The following EYS variants were observed in gnomAD, a reference collection of about 807,000 sequenced individuals.
The protein encoded by EYS is EGF-like photoreceptor maintenance factor.
Under a neutral mutation model 282.1 loss-of-function variants are expected in EYS, and 250 were observed. The ratio of observed to expected loss-of-function variants is 0.89; its 90% CI spans 0.80 to 0.98. The LOEUF (loss-of-function observed/expected upper bound fraction) is 0.98. Among genes scored for constraint, EYS ranks in the 50% least tolerant of loss-of-function variants. The pLI, the probability that EYS is intolerant of heterozygous loss-of-function variation, is 0.00. For missense variants in EYS, 4,016 were observed against 3,709.0 expected (o/e 1.08, Z -2.15); for synonymous variants, 1,355 against 1,282.9 (o/e 1.06, Z -1.20).
intron 33 of EYS, among the ~76,000 whole-genome samples, chr6:64,000,441 C>G (rs1233776884): frequency 6.6e-6 from 1 of 151,380 alleles, no homozygotes; most frequent in South Asian, 2.1e-4. Context: ...TCCATCCCCC[C>G]TCCCAACCTC....
At chr6:65,318,151 G>T (rs1390104751) in intron 11 of EYS, among the ~76,000 whole-genome samples, 1 of 145,946 alleles carries the variant, frequency 6.9e-6, no homozygotes, top group Non-Finnish European at 1.5e-5. Flanking sequence ...ACATGCGTGA[G>T]CCACCGCGCC....
At chr6:64,962,764 A>T (rs573450127) in intron 14 of EYS, among the ~76,000 whole-genome samples, 1 of 152,122 alleles carries the variant, frequency 6.6e-6, no homozygotes, top group East Asian at 1.9e-4. Context: ...AACAACCCTC[A>T]AAAAAAGAGA....
intron 5 of EYS, among the ~76,000 whole-genome samples, chr6:65,445,390 C>T (rs559586287): frequency 1.2e-4 from 18 of 151,846 alleles, no homozygotes; most frequent in African/African-American, 3.6e-4. Flanking sequence ...CTATAAAGTT[C>T]TCCTAAGAGA....
At chr6:64,686,759 ATATG>A (rs1448123008) in intron 22 of EYS, among the ~76,000 whole-genome samples, 914 of 15,420 alleles carry the variant, frequency 0.059, 18 homozygotes, top group Middle Eastern at 0.21. Context: ...ATATATATAT[ATATG>A]TGTGTATATA....
chr6:63,898,105 G>T lies in EYS; in HGVS notation c.7056-33747C>A, dbSNP rs549227133. Among the ~76,000 whole-genome samples the T allele has an allele frequency of 2.0e-5, 3 of 152,238 alleles. No individual in the cohort carries two copies. In the East Asian group the frequency reaches 5.8e-4, roughly 29 times the overall value. On this transcript the variant is annotated intron_variant, in intron 35 of 42. Transcript: ENST00000503581. ...CATCATTTTCGAGTCATGTTACCAC[G>T]CTGGGCCAAACATCTTGTCCCTAAT...
intron 8 of EYS, among the ~76,000 whole-genome samples, chr6:65,371,733 C>CTGTGTGTG (rs1562129810): frequency 2.0e-5 from 1 of 50,680 alleles, no homozygotes; most frequent in African/African-American, 5.2e-5. Flanking sequence ...CTCTCTCTCT[C>CTGTGTGTG]TCTCTCTCTG....
chr6:65,646,681 A>G (rs926462150), intron 1 of EYS, among the ~76,000 whole-genome samples: 3 of 152,156 alleles, frequency 2.0e-5, no homozygotes, highest in Admixed American at 2.0e-4. Flanking sequence ...TAGAGCAATC[A>G]GACCAGAAAG....
At chr6:64,091,629 G>A in intron 31 of EYS, among the ~76,000 whole-genome samples, 1 of 152,132 alleles carries the variant, frequency 6.6e-6, no homozygotes, top group East Asian at 1.9e-4. Flanking sequence ...CATCATGGCT[G>A]GGTGGATCAG....
At position 65,490,617 on chromosome 6, in the gene EYS, C is replaced by T; in HGVS notation, c.839G>A (p.Cys280Tyr). The change falls in exon 5 of 43, where the codon TGT becomes TAT. Residue 280 changes from cysteine (C) to tyrosine (Y), a missense_variant. Coordinates refer to ENST00000503581, the MANE Select transcript of EYS (RefSeq NM_001142800.2). ...ACCTGAAAATTGCTCATCACATTCA[C>T]AAATGAAACTATTTGAAGTAATATT... ...CSNITSNSFI[C>Y]ECDEQFSGPF... 2 of 1,610,358 alleles carry T rather than the reference C, an allele frequency of 1.2e-6. No homozygotes were observed. The highest frequency in any genetic ancestry group is 1.7e-6 in the Non-Finnish European group (2 of 1,177,074).
intron 31 of EYS, among the ~76,000 whole-genome samples, chr6:64,176,240 T>C (rs1458642059): frequency 6.6e-6 from 1 of 152,010 alleles, no homozygotes; most frequent in Admixed American, 6.6e-5. Context: ...TTTTTTACTC[T>C]GAATCAAAGG....
intron 8 of EYS, among the ~76,000 whole-genome samples, chr6:65,370,455 A>T (rs1339590750): frequency 1.3e-5 from 2 of 150,786 alleles, no homozygotes; most frequent in African/African-American, 4.9e-5. Flanking sequence ...GCATCTCATG[A>T]TGTATTCCAG....
chr6:64,790,455 A>G (rs759470405), intron 22 of EYS, among the ~76,000 whole-genome samples: 1 of 151,964 alleles, frequency 6.6e-6, no homozygotes, highest in East Asian at 1.9e-4. Flanking sequence ...AAAAATGTAC[A>G]TCTAACAATT....
intron 31 of EYS, among the ~76,000 whole-genome samples, chr6:64,134,541 A>G (rs989636365): frequency 1.3e-5 from 2 of 152,106 alleles, no homozygotes; most frequent in African/African-American, 2.4e-5. Context: ...TTGACGATGG[A>G]TTAGAGGGCA....
intron 36 of EYS, among the ~76,000 whole-genome samples, chr6:63,813,722 C>T (rs1771106207): frequency 6.6e-6 from 1 of 152,044 alleles, no homozygotes; most frequent in Non-Finnish European, 1.5e-5. Context: ...AGAGTGGACA[C>T]CAGGGAGCGC....
chr6:65,201,849 A>G (rs74658731), intron 12 of EYS, among the ~76,000 whole-genome samples: 2,569 of 152,186 alleles, frequency 0.017, 83 homozygotes, highest in African/African-American at 0.058. Context: ...ACAGTATCTC[A>G]TGCCTGTAAT....
chr6:65,276,918 G>T (rs559757174), intron 12 of EYS, among the ~76,000 whole-genome samples: 1 of 152,042 alleles, frequency 6.6e-6, no homozygotes, highest in Middle Eastern at 3.4e-3. Flanking sequence ...ATTTTTTATT[G>T]TCTCTCTTAT....
chr6:64,083,920 T>C (rs959654878), intron 31 of EYS, among the ~76,000 whole-genome samples: 2 of 152,138 alleles, frequency 1.3e-5, no homozygotes, highest in East Asian at 1.9e-4. Flanking sequence ...GTATTTTTAG[T>C]AGAGACGGGG....
At chr6:65,517,499 G>A (rs542939171) in intron 2 of EYS, among the ~76,000 whole-genome samples, 10 of 151,926 alleles carry the variant, frequency 6.6e-5, no homozygotes, top group African/African-American at 1.2e-4. Flanking sequence ...CAATACTTAC[G>A]TATTATGTAA....
intron 29 of EYS, among the ~76,000 whole-genome samples, chr6:64,331,587 C>T (rs1770648467): frequency 1.3e-5 from 1 of 77,472 alleles, no homozygotes; most frequent in South Asian, 4.3e-4. Flanking sequence ...GGCTCGCCTT[C>T]CAATAGCCCC....
Sources: allele counts gnomAD v4.1 joint callset (sites outside exome capture counted in the v4.1 genomes callset), GRCh38; gene constraint gnomAD v4.1.1; transcripts MANE v1.5; gene names NCBI Gene and HGNC (gene_info 2026-07-23, HGNC 2026-07-21).